WDR3: variants seen among roughly 807,000 people sequenced by gnomAD.
The protein encoded by WDR3 is WD repeat domain 3, also known as WD repeat-containing protein 3.
In WDR3, 81 loss-of-function variants were observed where a neutral mutation model predicts 123.7. The observed-to-expected ratio is 0.65, with a 90% CI of 0.55 to 0.79. The LOEUF (loss-of-function observed/expected upper bound fraction) is 0.79, where lower values mean the gene tolerates loss of function less well. WDR3 is among the 30% of genes least tolerant of loss of function. The probability of loss-of-function intolerance (pLI) is 0.00; values close to 1 mark genes in which losing one functional copy is unlikely to be tolerated. For missense variants in WDR3, 1,027 were observed against 1,123.2 expected (o/e 0.91, Z 1.22); for synonymous variants, 390 against 388.8 (o/e 1.00, Z -0.04).
chr1:117,952,011 G>A lies in WDR3; in HGVS notation c.1839G>A (p.Arg613=). ...TCATAGCAACTGGCTCCGCTGATAG[G>A]AATGTGAAAATCTGGGGTTTGGACT... ...GALIATGSAD[R]NVKIWGLDFG... The change falls in exon 17 of 27, where the codon AGG becomes AGA. Residue 613 remains arginine (R), a synonymous_variant. Coordinates refer to ENST00000349139, the MANE Select transcript of WDR3 (RefSeq NM_006784.3). 6.2e-7 allele frequency: 1 copy of A among 1,613,464 alleles called. No homozygotes were observed. The highest frequency in any genetic ancestry group is 1.1e-5 in the South Asian group (1 of 91,050).
chr1:117,965,929 G>A lies in WDR3; in HGVS notation c.*6482G>A, dbSNP rs1159512687. ...ACACCTGGAGCTTTCCTGTTGCCAT[G>A]GTTTTGTTCATTATTTTTACTTAAA... On this transcript the variant is annotated 3_prime_UTR_variant, in exon 27 of 27. Coordinates refer to ENST00000349139, the MANE Select transcript of WDR3 (RefSeq NM_006784.3). 3 of 152,128 alleles carry A rather than the reference G, an allele frequency of 2.0e-5. No individual in the cohort carries two copies. The allele number at this position is 152,128 out of a possible 1,614,324, so 9.4% of individuals were successfully genotyped here. A position where few individuals can be genotyped will look rare whatever the true frequency, so the allele number is the denominator to read the frequency against.
Position 117,955,687 on chromosome 1 carries a change from T to TGGA in WDR3, c.2453+330_2453+332dup, listed in dbSNP as rs372443328. 6.8e-4 allele frequency among the ~76,000 whole-genome samples: 104 copies of TGGA among 152,208 alleles called. 2 individuals carry two copies. Among genetic ancestry groups the TGGA allele is most frequent in the East Asian group, 6.6e-3 (34 of 5,188 alleles). On this transcript the variant is annotated intron_variant, in intron 24 of 26. Coordinates refer to ENST00000349139, the MANE Select transcript of WDR3 (RefSeq NM_006784.3). ...CTTCTTTTCTATGTACATACACAAT[T>TGGA]GGAATATTATATAAAGTTTTATATT...
At chr1:117,933,556 T>TG (rs201202543) in intron 2 of WDR3, 66 bp downstream of exon 2, 213 of 1,593,028 alleles carry the variant, frequency 1.3e-4, no homozygotes, top group Middle Eastern at 1.7e-4. Context: ...GTAGTAGAAG[T>TG]GGGGGGGCTC....
At chr1:117,944,076 C>T (rs1288765774) in intron 11 of WDR3, among the ~76,000 whole-genome samples, 2 of 152,180 alleles carry the variant, frequency 1.3e-5, no homozygotes, top group Non-Finnish European at 2.9e-5. Context: ...CCCTCTCTCA[C>T]CCCTGCATTG....
intron 6 of WDR3, among the ~76,000 whole-genome samples, chr1:117,939,959 A>G (rs1651082950): frequency 6.6e-6 from 1 of 152,222 alleles, no homozygotes; most frequent in African/African-American, 2.4e-5. Flanking sequence ...TTAGACATTC[A>G]AAGAATTTAC....
At chr1:117,945,184 C>G (rs1651326690) in intron 11 of WDR3, among the ~76,000 whole-genome samples, 1 of 152,164 alleles carries the variant, frequency 6.6e-6, no homozygotes, top group African/African-American at 2.4e-5. Context: ...TTGCTTGCCC[C>G]TCTATAGTCT....
chr1:117,948,567 A>T, intron 13 of WDR3, 61 bp downstream of exon 13: 3 of 1,201,582 alleles, frequency 2.5e-6, no homozygotes, highest in Non-Finnish European at 3.5e-6. Flanking sequence ...GATTTCTCTC[A>T]GGGTTTCTTT....
intron 20 of WDR3, 101 bp from the exon 21 acceptor site, chr1:117,953,375 A>G: frequency 8.5e-7 from 1 of 1,179,358 alleles, no homozygotes; most frequent in Non-Finnish European, 1.2e-6. Flanking sequence ...GTATTTTCAT[A>G]AAATAATAAT....
intron 12 of WDR3, among the ~76,000 whole-genome samples, 185 bp downstream of exon 12, chr1:117,946,364 G>A (rs1309067897): frequency 6.6e-6 from 1 of 152,064 alleles, no homozygotes. Context: ...TTATGAAGAA[G>A]AAAATTAAAA....
chr1:117,954,630 G>GGCAGTATATGGCAGTATATGGCTTATGGC lies in WDR3; in HGVS notation c.2409+3_2409+4insGCAGTATATGGCAGTATATGGCTTATGGC, dbSNP rs1281550385. 14 of 1,611,790 alleles carry GGCAGTATATGGCAGTATATGGCTTATGGC rather than the reference G, an allele frequency of 8.7e-6. 1 individual carries two copies. Among genetic ancestry groups the GGCAGTATATGGCAGTATATGGCTTATGGC allele is most frequent in the Non-Finnish European group, 1.2e-5 (14 of 1,178,844 alleles). ...TAATGGCTTATGGCAGTATCTCAGTGAGTAAAATGTCTAACGGTTTTCCTT... is the reference window on the plus strand; with the variant it reads ...TAATGGCTTATGGCAGTATCTCAGTGGCAGTATATGGCAGTATATGGCTTATGGCAGTAAAATGTCTAACGGTTTTCCTT... On this transcript the variant is annotated splice_donor_region_variant and intron_variant, in intron 23 of 26. Transcript: ENST00000349139.
At chr1:117,933,932 TGTG>T in intron 2 of WDR3, among the ~76,000 whole-genome samples, 2 of 152,348 alleles carry the variant, frequency 1.3e-5, no homozygotes, top group Middle Eastern at 6.8e-3. Context: ...TGATACTTTG[TGTG>T]ACTGAATTCC....
At chr1:117,957,748 C>T (rs1452776160) in intron 25 of WDR3, among the ~76,000 whole-genome samples, 1 of 152,012 alleles carries the variant, frequency 6.6e-6, no homozygotes. Flanking sequence ...ATGTGTGGCC[C>T]GAGACGGTTC....
chr1:117,939,875 C>G (rs1299570604), intron 6 of WDR3, among the ~76,000 whole-genome samples: 1 of 152,182 alleles, frequency 6.6e-6, no homozygotes, highest in African/African-American at 2.4e-5. Flanking sequence ...ATCTGTGAAC[C>G]TTTCCCCTCA....
rs1233153390 is a variant in WDR3 at position 117,952,664 on chromosome 1, T to A, written c.2151+2T>A. ...ATTCTTGAGGAAGAAAGGGAGATGGTAAGAACTTTAGGCTTGGTTACAAAT... is the reference window on the plus strand; with the variant it reads ...ATTCTTGAGGAAGAAAGGGAGATGGAAAGAACTTTAGGCTTGGTTACAAAT... On this transcript the variant is annotated splice_donor_variant, in intron 19 of 26. Transcript: ENST00000349139. LOFTEE classifies it high-confidence loss of function. 1 of 1,611,326 alleles carries A rather than the reference T, an allele frequency of 6.2e-7. No homozygotes were observed. The highest frequency in any genetic ancestry group is 1.3e-5 in the African/African-American group (1 of 74,720).
chr1:117,950,996 C>T, intron 16 of WDR3, 106 bp downstream of exon 16: 1 of 866,738 alleles, frequency 1.2e-6, no homozygotes, highest in South Asian at 1.7e-5. Flanking sequence ...TTTTTATCAT[C>T]ATTCTGTTAT....
chr1:117,939,697 C>G (rs1219522678), intron 6 of WDR3, 125 bp downstream of exon 6: 2 of 893,940 alleles, frequency 2.2e-6, no homozygotes, highest in Non-Finnish European at 3.4e-6. Flanking sequence ...CACCAATAAC[C>G]TGCAACACTT....
intron 1 of WDR3, among the ~76,000 whole-genome samples, chr1:117,931,217 A>T (rs575085382): frequency 6.6e-6 from 1 of 152,172 alleles, no homozygotes; most frequent in Non-Finnish European, 1.5e-5. Flanking sequence ...GAGCCACCAT[A>T]CCAGGTCCTT....
At chr1:117,947,023 C>T (rs764768571) in intron 12 of WDR3, among the ~76,000 whole-genome samples, 10 of 151,350 alleles carry the variant, frequency 6.6e-5, no homozygotes, top group East Asian at 1.9e-4. Context: ...TATGGGATGA[C>T]GACACTTGCT....
chr1:117,966,335 G>T lies in WDR3; in HGVS notation c.*6888G>T. On this transcript the variant is annotated 3_prime_UTR_variant, in exon 27 of 27. Coordinates refer to ENST00000349139, the MANE Select transcript of WDR3 (RefSeq NM_006784.3). ...AATTTTTTTGTGATAGATACTTGCTGTTTTATTATTCTGTCTGATATTCCG... is the reference window on the plus strand; with the variant it reads ...AATTTTTTTGTGATAGATACTTGCTTTTTTATTATTCTGTCTGATATTCCG... The T allele has an allele frequency of 3.6e-6, 1 of 274,278 alleles. No individual in the cohort carries two copies. The highest frequency in any genetic ancestry group is 6.6e-5 in the East Asian group (1 of 15,118). The allele number at this position is 274,278 out of a possible 1,614,324, so 17.0% of individuals were successfully genotyped here. A position where few individuals can be genotyped will look rare whatever the true frequency, so the allele number is the denominator to read the frequency against.
Sources: gnomAD v4.1 joint callset for allele counts (sites outside exome capture counted in the v4.1 genomes callset) on GRCh38, gnomAD v4.1.1 for gene constraint, MANE v1.5 for transcripts, NCBI Gene and HGNC (gene_info 2026-07-23, HGNC 2026-07-21) for gene names.